GSTCD: variants seen among roughly 807,000 people sequenced by gnomAD.
The protein encoded by GSTCD is glutathione S-transferase C-terminal domain-containing protein.
A neutral mutation model predicts 68.3 loss-of-function variants in GSTCD; 44 were observed. The observed-to-expected ratio is 0.64, with a 90% CI of 0.51 to 0.83. The LOEUF is 0.83. GSTCD is among the 40% of genes least tolerant of loss of function. The pLI is 0.00. For missense variants in GSTCD, 739 were observed against 735.9 expected, an observed-to-expected ratio of 1.00 and a Z score of -0.05; for synonymous variants, 273 against 255.2, an observed-to-expected ratio of 1.07 and a Z score of -0.67.
At chr4:105,778,066 C>T (rs1353695978) in intron 5 of GSTCD, among the ~76,000 whole-genome samples, 1 of 152,020 alleles carries the variant, frequency 6.6e-6, no homozygotes, top group Non-Finnish European at 1.5e-5. Flanking sequence ...TTGGAGTTGG[C>T]ATTTGAACTT....
At chr4:105,798,610 C>G (rs1439051030) in intron 5 of GSTCD, among the ~76,000 whole-genome samples, 1 of 150,068 alleles carries the variant, frequency 6.7e-6, no homozygotes, top group Non-Finnish European at 1.5e-5. Context: ...AGATCTCCAT[C>G]AGAGCTCTTG....
chr4:105,736,160 G>A (rs751058717), intron 5 of GSTCD, among the ~76,000 whole-genome samples: 2 of 151,844 alleles, frequency 1.3e-5, no homozygotes, highest in Non-Finnish European at 2.9e-5. Context: ...ATAGTTAATA[G>A]TTATTTTATA....
chr4:105,721,251 A>G (rs933608252), intron 3 of GSTCD, among the ~76,000 whole-genome samples: 3 of 152,102 alleles, frequency 2.0e-5, no homozygotes, highest in Non-Finnish European at 4.4e-5. Flanking sequence ...TCCTTCTTTG[A>G]TAAACCCTTG....
At chr4:105,752,566 G>T (rs1463976679) in intron 5 of GSTCD, among the ~76,000 whole-genome samples, 1 of 152,018 alleles carries the variant, frequency 6.6e-6, no homozygotes, top group East Asian at 1.9e-4. Context: ...CATATGTAGG[G>T]TATAAAAATT....
At chr4:105,733,157 A>G (rs965938848) in intron 5 of GSTCD, among the ~76,000 whole-genome samples, 3 of 152,162 alleles carry the variant, frequency 2.0e-5, no homozygotes, top group Admixed American at 6.5e-5. Flanking sequence ...AGAAAAATGT[A>G]TATTCTGTTG....
chr4:105,738,058 G>GCAGACC (rs1733516109), intron 5 of GSTCD, among the ~76,000 whole-genome samples: 2 of 152,186 alleles, frequency 1.3e-5, no homozygotes, highest in African/African-American at 4.8e-5. Flanking sequence ...ATGAGTGGAA[G>GCAGACC]CTTCCTAAGA....
chr4:105,719,143 A>G lies in GSTCD; in HGVS notation c.510A>G (p.Pro170=), dbSNP rs1452441632. 3 of 1,614,124 alleles carry G rather than the reference A, an allele frequency of 1.9e-6. No homozygotes were observed. Among genetic ancestry groups the G allele is most frequent in the Non-Finnish European group, 2.5e-6 (3 of 1,180,002 alleles). The change falls in exon 3 of 12, where the codon CCA becomes CCG. Residue 170 remains proline, a synonymous_variant. Coordinates refer to ENST00000515279, the MANE Select transcript of GSTCD (RefSeq NM_001370181.1). ...NFLRESSDQP[P]TIPVEILQLE... is the part of the protein sequence containing the mutation. ...TCAGAGAATCTTCTGACCAGCCCCC[A>G]ACTATACCTGTAGAAATACTACAGC...
chr4:105,817,256 G>A (rs910123697), intron 5 of GSTCD, among the ~76,000 whole-genome samples: 1 of 151,894 alleles, frequency 6.6e-6, no homozygotes, highest in African/African-American at 2.4e-5. Context: ...GTTGTTTGAT[G>A]TGTTGAATGA....
At chr4:105,779,648 A>G (rs770708740) in intron 5 of GSTCD, among the ~76,000 whole-genome samples, 3 of 152,348 alleles carry the variant, frequency 2.0e-5, no homozygotes, top group South Asian at 2.1e-4. Context: ...AAATTTAGTT[A>G]TCTATGGTAT....
intron 5 of GSTCD, among the ~76,000 whole-genome samples, chr4:105,798,276 T>A (rs558166533): frequency 3.9e-5 from 6 of 152,222 alleles, no homozygotes; most frequent in Non-Finnish European, 8.8e-5. Context: ...AGTTGCTTCC[T>A]CTTCTGAAGT....
chr4:105,749,216 GATA>G (rs1222222370), intron 5 of GSTCD, among the ~76,000 whole-genome samples: 3 of 151,788 alleles, frequency 2.0e-5, no homozygotes, highest in African/African-American at 7.3e-5. Flanking sequence ...ATAATTGTAT[GATA>G]ATAATACACT....
chr4:105,742,741 G>C lies in GSTCD; in HGVS notation c.1240+13242G>C, dbSNP rs1400984739. Among the ~76,000 whole-genome samples, 4 of 142,136 alleles carry C rather than the reference G, an allele frequency of 2.8e-5. No individual in the cohort carries two copies. In the East Asian group the frequency reaches 6.1e-4, roughly 22 times the overall value. 93.2% of individuals were successfully genotyped at this position (142,136 alleles called of 152,430 possible). Reference sequence around the variant, plus strand: ...TTTTTTTTTATTTCTTAGAGACATGGTCTCACTCTGTCACCCAGGCTGAAG... The same window carrying C: ...TTTTTTTTTATTTCTTAGAGACATGCTCTCACTCTGTCACCCAGGCTGAAG... On this transcript the variant is annotated intron_variant, in intron 5 of 11. Transcript: ENST00000515279.
intron 5 of GSTCD, among the ~76,000 whole-genome samples, chr4:105,797,707 C>T (rs1422585094): frequency 6.7e-6 from 1 of 149,234 alleles, no homozygotes; most frequent in East Asian, 2.0e-4. Context: ...CTTTCACAGA[C>T]TATTTCTCTG....
chr4:105,711,818 T>C (rs1256996190), intron 1 of GSTCD, among the ~76,000 whole-genome samples: 1 of 152,252 alleles, frequency 6.6e-6, no homozygotes, highest in East Asian at 1.9e-4. Flanking sequence ...ATATTCTTGC[T>C]AGGCACATGT....
At chr4:105,833,254 C>T (rs558404947) in intron 8 of GSTCD, among the ~76,000 whole-genome samples, 16 of 152,230 alleles carry the variant, frequency 1.1e-4, no homozygotes, top group Admixed American at 2.6e-4. Context: ...CACCTGCGGT[C>T]GGGAGTTGGA....
At chr4:105,828,286 C>A (rs1723743747) in intron 8 of GSTCD, among the ~76,000 whole-genome samples, 1 of 152,096 alleles carries the variant, frequency 6.6e-6, no homozygotes, top group Admixed American at 6.5e-5. Context: ...ATTATAAGCT[C>A]ATTTCTATTT....
intron 2 of GSTCD, 38 bp downstream of exon 2, chr4:105,718,077 A>T: frequency 6.9e-7 from 1 of 1,446,228 alleles, no homozygotes; most frequent in Non-Finnish European, 9.4e-7. Context: ...TTGAAGCTAC[A>T]CAGTGATAAC....
In GSTCD at chr4:105,817,417, A is replaced by G. The variant is rs1723052332; in HGVS notation, c.1241-5537A>G. ...CTCTAATAGTATATATAACAAAATT[A>G]TAAGAGTAAAAATGCCATCACACTG... On this transcript the variant is annotated intron_variant, in intron 5 of 11. Transcript: ENST00000515279. 1.3e-5 allele frequency among the ~76,000 whole-genome samples: 2 copies of G among 151,840 alleles called. 1 individual carries two copies. Among genetic ancestry groups the G allele is most frequent in the South Asian group, 4.2e-4 (2 of 4,816 alleles).
At chr4:105,841,319 G>A (rs528159359) in intron 10 of GSTCD, among the ~76,000 whole-genome samples, 9 of 148,066 alleles carry the variant, frequency 6.1e-5, no homozygotes, top group African/African-American at 1.5e-4. Flanking sequence ...GCAAAACTCC[G>A]TCTCAAAAAA....
Sources: gnomAD v4.1 joint callset for allele counts (sites outside exome capture counted in the v4.1 genomes callset) on GRCh38, gnomAD v4.1.1 for gene constraint, MANE v1.5 for transcripts, NCBI Gene and HGNC (gene_info 2026-07-23, HGNC 2026-07-21) for gene names.